The following SIPA1L3 variants were observed in gnomAD, a reference collection of about 807,000 sequenced individuals.
The protein encoded by SIPA1L3 is signal-induced proliferation-associated 1-like protein 3.
A neutral mutation model predicts 150.1 loss-of-function variants in SIPA1L3; 59 were observed. The ratio of observed to expected loss-of-function variants is 0.39; its 90% CI spans 0.32 to 0.49. SIPA1L3 has a LOEUF of 0.49. Ranked by LOEUF, SIPA1L3 falls within the 20% of genes least tolerant of loss-of-function variation. The pLI, the probability that SIPA1L3 is intolerant of heterozygous loss-of-function variation, is 0.86. For synonymous variants in SIPA1L3, 1,070 were observed against 1,077.6 expected, an observed-to-expected ratio of 0.99 and a Z score of 0.14; for missense variants, 2,211 against 2,489.5, an observed-to-expected ratio of 0.89 and a Z score of 2.38.
intron 3 of SIPA1L3, among the ~76,000 whole-genome samples, chr19:38,085,865 G>A (rs1421825317): frequency 1.3e-5 from 2 of 152,180 alleles, no homozygotes; most frequent in African/African-American, 2.4e-5. Flanking sequence ...GCGTGGTGGC[G>A]GGTGCCTGTA....
intron 1 of SIPA1L3, among the ~76,000 whole-genome samples, chr19:37,915,261 CAG>C (rs2145472608): frequency 6.6e-6 from 1 of 152,270 alleles, no homozygotes; most frequent in Non-Finnish European, 1.5e-5. Context: ...GTTGCCATAC[CAG>C]GCACAGGTTA....
At position 38,014,672 on chromosome 19, in the gene SIPA1L3, A is replaced by ATTTTTTTTTTT. The variant is rs11335709; in HGVS notation, c.-378-14412_-378-14402dup. Among the ~76,000 whole-genome samples, 81 of 139,734 alleles carry ATTTTTTTTTTT rather than the reference A, an allele frequency of 5.8e-4. 1 individual carries two copies. In the East Asian group the frequency reaches 0.011, roughly 18 times the overall value. 91.7% of individuals were successfully genotyped at this position (139,734 alleles called of 152,430 possible). ...GGCTCAAGCGATCCTCCCCCGGCTA[A>ATTTTTTTTTTT]TTTTTTTTTTTTTTTGAGACGGAGC... On this transcript the variant is annotated intron_variant, in intron 1 of 21. Transcript: ENST00000222345.
At chr19:38,107,429 G>T (rs1050542836) in intron 7 of SIPA1L3, among the ~76,000 whole-genome samples, 1 of 152,194 alleles carries the variant, frequency 6.6e-6, no homozygotes, top group African/African-American at 2.4e-5. Context: ...AGGAGGCAGG[G>T]ATACCAGGTG....
chr19:38,188,587 C>G (rs1174658585), intron 16 of SIPA1L3, among the ~76,000 whole-genome samples: 1 of 152,006 alleles, frequency 6.6e-6, no homozygotes, highest in Non-Finnish European at 1.5e-5. Flanking sequence ...AAAACATGCA[C>G]AAGGTAAAAA....
At chr19:38,061,499 T>C (rs967302336) in intron 2 of SIPA1L3, among the ~76,000 whole-genome samples, 6 of 152,104 alleles carry the variant, frequency 3.9e-5, no homozygotes, top group Non-Finnish European at 8.8e-5. Flanking sequence ...CTGGGACACA[T>C]CCTTAGTGGT....
intron 1 of SIPA1L3, among the ~76,000 whole-genome samples, chr19:37,976,295 C>T (rs1356381512): frequency 6.6e-6 from 1 of 151,958 alleles, no homozygotes; most frequent in African/African-American, 2.4e-5. Context: ...GGGTTTCTCT[C>T]CCTGGGGTGG....
intron 1 of SIPA1L3, among the ~76,000 whole-genome samples, chr19:37,985,071 A>G (rs1350564025): frequency 1.3e-5 from 2 of 152,234 alleles, no homozygotes. Context: ...AGTGATTGGT[A>G]GTGCTATTAA....
intron 1 of SIPA1L3, among the ~76,000 whole-genome samples, chr19:37,986,507 GA>G (rs1967353999): frequency 6.6e-6 from 1 of 152,224 alleles, no homozygotes; most frequent in Admixed American, 6.5e-5. Flanking sequence ...CTTTGCTGGG[GA>G]AAAGCAGGTT....
intron 1 of SIPA1L3, among the ~76,000 whole-genome samples, chr19:37,969,237 A>G (rs1255357196): frequency 6.6e-6 from 1 of 151,986 alleles, no homozygotes; most frequent in Non-Finnish European, 1.5e-5. Flanking sequence ...CATCTCTGTT[A>G]AAAAGAAAAA....
In SIPA1L3 at chr19:38,201,985, C is replaced by T. The variant is rs764508611; in HGVS notation, c.5108C>T (p.Thr1703Ile). The T allele has an allele frequency of 6.2e-7, 1 of 1,610,884 alleles. No homozygotes were observed. The highest frequency in any genetic ancestry group is 8.5e-7 in the Non-Finnish European group (1 of 1,178,686). Residue 1703 changes from threonine to isoleucine, a missense_variant, in exon 20 of 22, where the codon ACC (threonine) becomes ATC (isoleucine). By Grantham distance (89) the Thr-to-Ile change is moderately conservative. Around this residue, in one of 5 missense-constraint regions of SIPA1L3, gnomAD observed 63 missense variants for 106.1 expected, o/e 0.59. Coordinates refer to ENST00000222345, the MANE Select transcript of SIPA1L3 (RefSeq NM_015073.3). ...LERGPPTPRT[T>I]PTMSEEPPLD... The stretch of plus-strand genomic sequence containing the variant: ...AGGGGACCCCCGACCCCCAGGACCA[C>T]CCCTACCATGAGGTGAGGTTTCCCT...
intron 1 of SIPA1L3, among the ~76,000 whole-genome samples, chr19:38,011,926 G>GC (rs1476635180): frequency 6.6e-6 from 1 of 152,066 alleles, no homozygotes; most frequent in Non-Finnish European, 1.5e-5. Context: ...GGAGGTAGTG[G>GC]CAACAGAGTT....
intron 2 of SIPA1L3, among the ~76,000 whole-genome samples, chr19:38,037,947 G>A (rs1317601895): frequency 6.6e-6 from 1 of 152,116 alleles, no homozygotes; most frequent in Non-Finnish European, 1.5e-5. Context: ...CTTAAAGCAG[G>A]CACCTTCCAT....
At chr19:37,940,155 A>G (rs1190283224) in intron 1 of SIPA1L3, among the ~76,000 whole-genome samples, 1 of 151,974 alleles carries the variant, frequency 6.6e-6, no homozygotes, top group African/African-American at 2.4e-5. Context: ...GAGGCTCTCA[A>G]CTGTACTCCC....
intron 1 of SIPA1L3, among the ~76,000 whole-genome samples, chr19:37,936,225 A>G (rs987923584): frequency 6.6e-6 from 1 of 152,108 alleles, no homozygotes; most frequent in Non-Finnish European, 1.5e-5. Flanking sequence ...GGACATCTAC[A>G]GTTTTTCAGT....
chr19:38,042,330 C>T (rs1968944648), intron 2 of SIPA1L3, among the ~76,000 whole-genome samples: 1 of 152,138 alleles, frequency 6.6e-6, no homozygotes, highest in Non-Finnish European at 1.5e-5. Context: ...ATGTCAGCAC[C>T]ATACTGTTCT....
chr19:37,991,749 A>C (rs1056044623), intron 1 of SIPA1L3, among the ~76,000 whole-genome samples: 4 of 152,098 alleles, frequency 2.6e-5, no homozygotes, highest in African/African-American at 7.2e-5. Flanking sequence ...ATGACCCTCC[A>C]CCTGATGCTT....
At chr19:38,016,886 CTTTTTTTTTTTTTT>C (rs58459050) in intron 1 of SIPA1L3, among the ~76,000 whole-genome samples, 39 of 69,146 alleles carry the variant, frequency 5.6e-4, no homozygotes, top group African/African-American at 2.4e-3. Context: ...CCTCCTCTGG[CTTTTTTTTTTTTTT>C]TTTTTTTTTT....
chr19:38,084,665 C>T (rs1970085922), intron 3 of SIPA1L3, among the ~76,000 whole-genome samples: 1 of 128,694 alleles, frequency 7.8e-6, no homozygotes, highest in East Asian at 2.3e-4. Flanking sequence ...GAGGCAGTCT[C>T]GCTCTGTCGC....
At chr19:38,042,665 A>G (rs896604485) in intron 2 of SIPA1L3, among the ~76,000 whole-genome samples, 6 of 152,172 alleles carry the variant, frequency 3.9e-5, no homozygotes, top group Non-Finnish European at 8.8e-5. Context: ...ATATAGCTAC[A>G]TTTTCTAAGG....
Sources: gnomAD v4.1 joint callset for allele counts (sites outside exome capture counted in the v4.1 genomes callset) on GRCh38, gnomAD v4.1.1 for gene constraint, gnomAD v4.1.1 regional missense constraint, MANE v1.5 for transcripts, NCBI Gene and HGNC (gene_info 2026-07-23, HGNC 2026-07-21) for gene names.